Variants in PPM1L observed in about 807,000 individuals in gnomAD.
PPM1L encodes the protein protein phosphatase 1L.
Under a neutral mutation model 31.4 loss-of-function variants are expected in PPM1L, and 13 were observed. The observed-to-expected ratio is 0.41, with a 90% CI of 0.27 to 0.66. The LOEUF is 0.66. Among genes scored for constraint, PPM1L ranks in the 30% least tolerant of loss-of-function variants. PPM1L has a pLI of 0.29. For synonymous variants in PPM1L, 184 were observed against 175.4 expected, an observed-to-expected ratio of 1.05 and a Z score of -0.39; for missense variants, 326 against 453.7, an observed-to-expected ratio of 0.72 and a Z score of 2.56.
At chr3:160,806,884 AAGAAAGAAAGAGAGAG>A (rs1268018172) in intron 1 of PPM1L, among the ~76,000 whole-genome samples, 4 of 150,106 alleles carry the variant, frequency 2.7e-5, no homozygotes, top group Admixed American at 1.3e-4. Context: ...GGGAGGAAGG[AAGAAAGAAAGAGAGAG>A]AGAAAGAAAG....
At chr3:161,004,531 C>G (rs1717632596) in intron 2 of PPM1L, among the ~76,000 whole-genome samples, 1 of 144,452 alleles carries the variant, frequency 6.9e-6, no homozygotes, top group Non-Finnish European at 1.5e-5. Flanking sequence ...TGTTATTGGT[C>G]TATTCAGAGA....
chr3:160,972,454 G>T (rs1359731159), intron 2 of PPM1L, among the ~76,000 whole-genome samples: 1 of 150,128 alleles, frequency 6.7e-6, no homozygotes, highest in Non-Finnish European at 1.5e-5. Flanking sequence ...GAGGTGTTTG[G>T]TTTTTTGTCC....
chr3:160,913,817 T>C (rs913235134), intron 1 of PPM1L, among the ~76,000 whole-genome samples: 1 of 152,140 alleles, frequency 6.6e-6, no homozygotes, highest in South Asian at 2.1e-4. Flanking sequence ...GACATTTGAG[T>C]TGTTTCCAGT....
intron 2 of PPM1L, among the ~76,000 whole-genome samples, chr3:161,028,674 C>T (rs1177097010): frequency 2.6e-5 from 4 of 152,194 alleles, no homozygotes; most frequent in Non-Finnish European, 5.9e-5. Flanking sequence ...TACTATCCCT[C>T]TCCTACCACC....
chr3:160,887,913 A>G (rs769089288), intron 1 of PPM1L, among the ~76,000 whole-genome samples: 17 of 152,094 alleles, frequency 1.1e-4, no homozygotes, highest in Non-Finnish European at 2.1e-4. Flanking sequence ...TCAACCTAGA[A>G]TTTTGTATCT....
chr3:160,864,419 T>G (rs926839327), intron 1 of PPM1L, among the ~76,000 whole-genome samples: 2 of 152,142 alleles, frequency 1.3e-5, no homozygotes, highest in Non-Finnish European at 2.9e-5. Context: ...CCAAGCAGTC[T>G]GCCCACCTCA....
At chr3:160,875,659 C>A (rs898649674) in intron 1 of PPM1L, among the ~76,000 whole-genome samples, 2 of 152,236 alleles carry the variant, frequency 1.3e-5, no homozygotes, top group African/African-American at 4.8e-5. Flanking sequence ...CAGGTCTTCT[C>A]ATTTAATCAT....
intron 2 of PPM1L, among the ~76,000 whole-genome samples, chr3:160,998,979 G>A (rs889060145): frequency 6.6e-6 from 1 of 152,270 alleles, no homozygotes; most frequent in South Asian, 2.1e-4. Flanking sequence ...AAGAAAGCCG[G>A]TGGTGAAAAG....
intron 2 of PPM1L, among the ~76,000 whole-genome samples, chr3:161,055,224 T>G (rs1188012332): frequency 1.3e-5 from 2 of 152,134 alleles, no homozygotes; most frequent in African/African-American, 4.8e-5. Flanking sequence ...GCCATGGCAT[T>G]GATTATTAGA....
At chr3:160,806,751 A>G (rs1186513161) in intron 1 of PPM1L, among the ~76,000 whole-genome samples, 1 of 151,736 alleles carries the variant, frequency 6.6e-6, no homozygotes, top group Non-Finnish European at 1.5e-5. Flanking sequence ...CTGAAAAAGA[A>G]AGAAAGAAAG....
intron 1 of PPM1L, among the ~76,000 whole-genome samples, chr3:160,856,933 T>C (rs1372579257): frequency 1.3e-5 from 2 of 152,226 alleles, no homozygotes; most frequent in Non-Finnish European, 2.9e-5. Context: ...AGTTGATTGT[T>C]TAATAGTATT....
intron 2 of PPM1L, among the ~76,000 whole-genome samples, chr3:161,007,130 G>A (rs1047906189): frequency 6.6e-6 from 1 of 152,168 alleles, no homozygotes; most frequent in Non-Finnish European, 1.5e-5. Flanking sequence ...GCAGTGAACA[G>A]AATTCCTACA....
At chr3:160,947,931 C>T (rs956547645) in intron 1 of PPM1L, among the ~76,000 whole-genome samples, 2 of 152,130 alleles carry the variant, frequency 1.3e-5, no homozygotes, top group East Asian at 1.9e-4. Flanking sequence ...ATTAAGAAAG[C>T]GTTCAAGCTC....
chr3:161,049,181 G>C (rs555139085), intron 2 of PPM1L, among the ~76,000 whole-genome samples: 1 of 152,112 alleles, frequency 6.6e-6, no homozygotes, highest in East Asian at 1.9e-4. Context: ...GGGAAGCTGG[G>C]GTGGGAGGAT....
At chr3:160,899,591 TTG>T (rs1713468579) in intron 1 of PPM1L, among the ~76,000 whole-genome samples, 1 of 39,850 alleles carries the variant, frequency 2.5e-5, no homozygotes, top group Admixed American at 2.4e-4. Context: ...AGTGTTTTTG[TTG>T]TAATTTCAAG....
chr3:161,057,069 A>G (rs1351948361), intron 2 of PPM1L, among the ~76,000 whole-genome samples: 1 of 152,060 alleles, frequency 6.6e-6, no homozygotes, highest in Non-Finnish European at 1.5e-5. Flanking sequence ...TCTCAAAAAA[A>G]TAAAAAAGAA....
rs113273287 is a variant in PPM1L at position 160,756,752 on chromosome 3, C to CGTGTGTGTGT, written c.399+74_399+83dup. On this transcript the variant is annotated intron_variant, in intron 1 of 3. Coordinates refer to ENST00000498165, the MANE Select transcript of PPM1L (RefSeq NM_139245.4). This position sits in a 1 kb window ranked among gnomAD's most constrained non-coding sequence, Gnocchi z 6.2. The stretch of plus-strand genomic sequence containing the variant: ...TTTGTATTTGTGTCCGTGTATGTCT[C>CGTGTGTGTGT]GTGTGTGTGTGTGTGTGTGTGTGTG... 25,664 of 1,012,834 alleles carry CGTGTGTGTGT rather than the reference C, an allele frequency of 0.025. 308 individuals carry two copies. Among genetic ancestry groups the CGTGTGTGTGT allele is most frequent in the East Asian group, 0.057 (2,148 of 37,556 alleles). The allele number at this position is 1,012,834 out of a possible 1,614,324, so 62.7% of individuals were successfully genotyped here. A position where few individuals can be genotyped will look rare whatever the true frequency, so the allele number is the denominator to read the frequency against.
At chr3:160,852,366 C>T (rs1327576073) in intron 1 of PPM1L, among the ~76,000 whole-genome samples, 1 of 152,120 alleles carries the variant, frequency 6.6e-6, no homozygotes, top group African/African-American at 2.4e-5. Flanking sequence ...AATATTTATT[C>T]ATTAAAAGCA....
At chr3:160,969,772 G>A (rs898448738) in intron 2 of PPM1L, among the ~76,000 whole-genome samples, 1 of 152,034 alleles carries the variant, frequency 6.6e-6, no homozygotes, top group African/African-American at 2.4e-5. Context: ...ACTAATAAAG[G>A]GAAGTTCAAT....
Sources: gnomAD v4.1 joint callset for allele counts (sites outside exome capture counted in the v4.1 genomes callset) on GRCh38, gnomAD v4.1.1 for gene constraint, Gnocchi (gnomAD v3.1) non-coding constraint, MANE v1.5 for transcripts, NCBI Gene and HGNC (gene_info 2026-07-23, HGNC 2026-07-21) for gene names.